Variants in GRM8 observed in about 807,000 individuals in gnomAD.
The protein encoded by GRM8 is metabotropic glutamate receptor 8.
GRM8 carries 47 observed loss-of-function variants against 87.2 expected under a neutral mutation model. The ratio of observed to expected loss-of-function variants is 0.54; its 90% CI spans 0.43 to 0.69. GRM8 has a LOEUF of 0.69. Ranked by LOEUF, GRM8 falls within the 30% of genes least tolerant of loss-of-function variation. The probability of loss-of-function intolerance (pLI) is 0.00; values close to 1 mark genes in which losing one functional copy is unlikely to be tolerated. For missense variants in GRM8, 1,019 were observed against 1,139.2 expected, an observed-to-expected ratio of 0.89 and a Z score of 1.52; for synonymous variants, 396 against 404.5, an observed-to-expected ratio of 0.98 and a Z score of 0.25.
At chr7:126,923,207 T>C (rs1454445424) in intron 3 of GRM8, among the ~76,000 whole-genome samples, 2 of 152,212 alleles carry the variant, frequency 1.3e-5, no homozygotes, top group Non-Finnish European at 2.9e-5. Flanking sequence ...TTTGTTTGTT[T>C]TGGTGGCATA....
At chr7:126,509,259 T>C (rs1171217694) in intron 9 of GRM8, among the ~76,000 whole-genome samples, 2 of 152,054 alleles carry the variant, frequency 1.3e-5, no homozygotes, top group Admixed American at 6.6e-5. Flanking sequence ...AAGAGAATGG[T>C]TGGCTTCATA....
intron 2 of GRM8, among the ~76,000 whole-genome samples, chr7:127,209,936 A>T (rs1015398995): frequency 9.2e-5 from 14 of 152,092 alleles, no homozygotes; most frequent in African/African-American, 3.4e-4. Flanking sequence ...CATCCCCACA[A>T]CATATAATTC....
intron 7 of GRM8, among the ~76,000 whole-genome samples, chr7:126,700,555 ATGT>A (rs1054802716): frequency 1.3e-5 from 2 of 152,248 alleles, no homozygotes; most frequent in East Asian, 1.9e-4. Flanking sequence ...CCTAAAATAA[ATGT>A]TATTATAATC....
At chr7:127,168,227 T>C (rs895333846) in intron 2 of GRM8, among the ~76,000 whole-genome samples, 2 of 152,170 alleles carry the variant, frequency 1.3e-5, no homozygotes, top group East Asian at 3.9e-4. Flanking sequence ...AAAGAAGACA[T>C]TTATGCAGAA....
chr7:126,676,325 C>G (rs773590402), intron 7 of GRM8, among the ~76,000 whole-genome samples: 6 of 152,052 alleles, frequency 3.9e-5, no homozygotes, highest in Non-Finnish European at 5.9e-5. Flanking sequence ...AGATTCAATG[C>G]AATTCTTATC....
chr7:126,678,496 C>T (rs1321051021), intron 7 of GRM8, among the ~76,000 whole-genome samples: 1 of 152,048 alleles, frequency 6.6e-6, no homozygotes, highest in Non-Finnish European at 1.5e-5. Flanking sequence ...TTTTGGGGGG[C>T]AAGGAGAGGA....
intron 9 of GRM8, among the ~76,000 whole-genome samples, chr7:126,528,999 A>G (rs1012217592): frequency 3.3e-5 from 5 of 152,260 alleles, no homozygotes; most frequent in African/African-American, 1.2e-4. Context: ...TGGCAAAAGT[A>G]TCTCAATAGT....
chr7:126,938,938 A>G (rs1806613639), intron 3 of GRM8, among the ~76,000 whole-genome samples: 1 of 152,182 alleles, frequency 6.6e-6, no homozygotes, highest in Non-Finnish European at 1.5e-5. Flanking sequence ...CTACTTACCT[A>G]GACTCTCTAA....
chr7:126,683,601 A>G (rs1240919347), intron 7 of GRM8, among the ~76,000 whole-genome samples: 1 of 152,210 alleles, frequency 6.6e-6, no homozygotes, highest in African/African-American at 2.4e-5. Flanking sequence ...TTAATTGTTC[A>G]CATGTAAACC....
chr7:126,585,596 T>C (rs1001186446), intron 8 of GRM8, among the ~76,000 whole-genome samples: 7 of 152,168 alleles, frequency 4.6e-5, no homozygotes, highest in African/African-American at 1.7e-4. Flanking sequence ...ATTATCTCAA[T>C]AGACACAGAA....
At chr7:126,588,205 A>G (rs1796344568) in intron 8 of GRM8, among the ~76,000 whole-genome samples, 2 of 152,236 alleles carry the variant, frequency 1.3e-5, no homozygotes, top group Admixed American at 1.3e-4. Flanking sequence ...AGAGTATTAG[A>G]ATAACTTAAG....
intron 7 of GRM8, among the ~76,000 whole-genome samples, chr7:126,650,879 T>C (rs1001449998): frequency 1.3e-5 from 2 of 152,058 alleles, no homozygotes; most frequent in Admixed American, 6.6e-5. Context: ...AGGTTACGCA[T>C]GGGCTCAGCA....
chr7:126,552,471 A>G (rs961980026), intron 8 of GRM8, among the ~76,000 whole-genome samples: 30 of 152,186 alleles, frequency 2.0e-4, no homozygotes, highest in Non-Finnish European at 2.2e-4. Flanking sequence ...TAAACATAAT[A>G]AAGCAAATAT....
At chr7:126,997,733 T>C (rs1012040129) in intron 3 of GRM8, among the ~76,000 whole-genome samples, 65 of 151,700 alleles carry the variant, frequency 4.3e-4, no homozygotes, top group African/African-American at 1.6e-3. Context: ...GATTGAACCA[T>C]GAAGAAACCC....
At chr7:126,806,190 G>C (rs567658071) in intron 6 of GRM8, among the ~76,000 whole-genome samples, 3 of 152,296 alleles carry the variant, frequency 2.0e-5, no homozygotes, top group Non-Finnish European at 4.4e-5. Flanking sequence ...CCTTCCGGTG[G>C]GTTCGTGGTC....
chr7:127,032,593 T>C lies in GRM8; in HGVS notation c.727+73903A>G, dbSNP rs142247323. ...ATTTACTGTCTCAATTTGGGGTACTTAAAAAATCAATAGCAATCTTAATTC... is the reference window on the plus strand; with the variant it reads ...ATTTACTGTCTCAATTTGGGGTACTCAAAAAATCAATAGCAATCTTAATTC... On this transcript the variant is annotated intron_variant, in intron 3 of 10. Transcript: ENST00000339582. 4.4e-3 allele frequency among the ~76,000 whole-genome samples: 675 copies of C among 152,268 alleles called. 6 individuals are homozygous for C. Among genetic ancestry groups the C allele is most frequent in the African/African-American group, 0.016 (650 of 41,550 alleles).
chr7:126,994,259 G>C (rs1812959199), intron 3 of GRM8, among the ~76,000 whole-genome samples: 1 of 152,166 alleles, frequency 6.6e-6, no homozygotes, highest in South Asian at 2.1e-4. Context: ...CATCTTCCTT[G>C]AAGGGAATGA....
intron 2 of GRM8, among the ~76,000 whole-genome samples, chr7:127,126,235 T>C (rs1827365215): frequency 6.6e-6 from 1 of 152,018 alleles, no homozygotes; most frequent in Non-Finnish European, 1.5e-5. Context: ...AACTTAAGTG[T>C]CCATCAGTGG....
intron 8 of GRM8, among the ~76,000 whole-genome samples, chr7:126,571,742 ATT>A (rs202148877): frequency 7.1e-6 from 1 of 141,094 alleles, no homozygotes. Context: ...AATATACAGG[ATT>A]TTTTTTTTTT....
Sources: allele counts gnomAD v4.1 joint callset (sites outside exome capture counted in the v4.1 genomes callset), GRCh38; gene constraint gnomAD v4.1.1; transcripts MANE v1.5; gene names NCBI Gene and HGNC (gene_info 2026-07-23, HGNC 2026-07-21).